Variants in KMO observed in about 807,000 individuals in gnomAD.
The protein encoded by KMO is kynurenine 3-monooxygenase, also known as kynurenine 3-hydroxylase.
Under a neutral mutation model 57.8 loss-of-function variants are expected in KMO, and 24 were observed. That is an observed-to-expected ratio of 0.42 (90% CI 0.30 to 0.58). KMO has a LOEUF of 0.58. KMO is among the 20% of genes least tolerant of loss of function. The probability of loss-of-function intolerance (pLI) is 0.22; values close to 1 mark genes in which losing one functional copy is unlikely to be tolerated. For missense variants in KMO, 483 were observed against 588.2 expected (o/e 0.82, Z 1.85); for synonymous variants, 210 against 193.6 (o/e 1.08, Z -0.70).
chr1:241,583,549 C>A (rs534828313), intron 10 of KMO, among the ~76,000 whole-genome samples: 2 of 152,024 alleles, frequency 1.3e-5, no homozygotes, highest in East Asian at 3.9e-4. Flanking sequence ...TCTCCTTTCC[C>A]CAAGTGAAGG....
chr1:241,533,087 C>T (rs569627462), intron 1 of KMO, among the ~76,000 whole-genome samples: 2 of 152,334 alleles, frequency 1.3e-5, no homozygotes, highest in African/African-American at 2.4e-5. Context: ...GAGCACGTGA[C>T]GTAAAGGTGC....
rs186335153 is a variant in KMO at position 241,594,670 on chromosome 1, G to C, written c.*2517G>C. On this transcript the variant is annotated 3_prime_UTR_variant, in exon 15 of 15. Transcript: ENST00000366559. ...CACCTCAGCAGTCGGAGGCACAGAA[G>C]CTGCAAAAGGGATCTTCGAAACTGG... 1.4e-5 allele frequency: 22 copies of C among 1,613,658 alleles called. No homozygotes were observed. Among genetic ancestry groups the C allele is most frequent in the Non-Finnish European group, 1.8e-5 (21 of 1,179,838 alleles).
chr1:241,591,530 A>C (rs1573944830), intron 14 of KMO, among the ~76,000 whole-genome samples: 1 of 152,128 alleles, frequency 6.6e-6, no homozygotes, highest in Non-Finnish European at 1.5e-5. Context: ...TTTAGTCTCC[A>C]CATAAGTCTT....
Position 241,535,150 on chromosome 1 carries a change from A to T in KMO, c.54+2652A>T, listed in dbSNP as rs1441165146. Among the ~76,000 whole-genome samples, 4 of 152,164 alleles carry T rather than the reference A, an allele frequency of 2.6e-5. No individual in the cohort carries two copies. In the East Asian group the frequency reaches 7.7e-4, roughly 29 times the overall value. ...AATAATAACAGATGCATGTTTGAATATTGAGAAAATTATTTTTAAAAGTAT... is the reference window on the plus strand; with the variant it reads ...AATAATAACAGATGCATGTTTGAATTTTGAGAAAATTATTTTTAAAAGTAT... On this transcript the variant is annotated intron_variant, in intron 1 of 14. Coordinates refer to ENST00000366559, the MANE Select transcript of KMO (RefSeq NM_003679.5).
chr1:241,572,075 C>A (rs1294123920), intron 10 of KMO, among the ~76,000 whole-genome samples: 1 of 151,910 alleles, frequency 6.6e-6, no homozygotes, highest in African/African-American at 2.4e-5. Context: ...CCATGTTGGC[C>A]AGGATGGTCT....
intron 10 of KMO, among the ~76,000 whole-genome samples, chr1:241,580,263 C>T (rs1011379411): frequency 6.6e-6 from 1 of 152,130 alleles, no homozygotes; most frequent in Non-Finnish European, 1.5e-5. Flanking sequence ...TCTACATAGT[C>T]TCTACATATA....
chr1:241,582,155 A>G (rs1376606160), intron 10 of KMO, among the ~76,000 whole-genome samples: 8 of 152,026 alleles, frequency 5.3e-5, no homozygotes. Context: ...AGCTCCTTTT[A>G]TGTTATTTGC....
intron 4 of KMO, among the ~76,000 whole-genome samples, chr1:241,553,603 C>T (rs1005112330): frequency 4.6e-5 from 7 of 152,108 alleles, no homozygotes; most frequent in South Asian, 2.1e-4. Flanking sequence ...GTGGGAAGAT[C>T]GCTTGAGCCC....
At position 241,568,602 on chromosome 1, in the gene KMO, T is replaced by G. The variant is rs1367055372; in HGVS notation, c.912T>G (p.Asp304Glu). The G allele has an allele frequency of 6.2e-7, 1 of 1,614,012 alleles. No homozygotes were observed. The highest frequency in any genetic ancestry group is 1.1e-5 in the South Asian group (1 of 91,080). Reference protein sequence around the residue: ...HFKSHCVLLGDAAHAIVPFFG... With the variant: ...HFKSHCVLLGEAAHAIVPFFG... ...AATCTCACTGTGTACTGCTGGGAGATGCAGCTCATGCTATAGTGCCGTTTT... is the reference window on the plus strand; with the variant it reads ...AATCTCACTGTGTACTGCTGGGAGAGGCAGCTCATGCTATAGTGCCGTTTT... Residue 304 changes from aspartate (D) to glutamate (E), a missense_variant, in exon 10 of 15, where the codon GAT becomes GAG. By Grantham distance (45) the Asp-to-Glu change is conservative. Around this residue, in one of 3 missense-constraint regions of KMO, gnomAD observed 410 missense variants for 492.3 expected, o/e 0.83. Coordinates refer to ENST00000366559, the MANE Select transcript of KMO (RefSeq NM_003679.5).
At chr1:241,573,606 G>T (rs1408471765) in intron 10 of KMO, among the ~76,000 whole-genome samples, 1 of 151,750 alleles carries the variant, frequency 6.6e-6, no homozygotes, top group Non-Finnish European at 1.5e-5. Flanking sequence ...TTTATTTCTG[G>T]GTTATCTATT....
At chr1:241,582,424 C>G (rs531158632) in intron 10 of KMO, among the ~76,000 whole-genome samples, 1 of 152,262 alleles carries the variant, frequency 6.6e-6, no homozygotes, top group Non-Finnish European at 1.5e-5. Flanking sequence ...CCTTGTCAGG[C>G]TATTTCCTGG....
chr1:241,539,649 C>T (rs915785486), intron 1 of KMO, among the ~76,000 whole-genome samples: 3 of 152,166 alleles, frequency 2.0e-5, no homozygotes, highest in Non-Finnish European at 2.9e-5. Flanking sequence ...ATTGAGCAGG[C>T]TCCTCTTACG....
chr1:241,538,057 A>T (rs1465159814), intron 1 of KMO, among the ~76,000 whole-genome samples: 2 of 152,186 alleles, frequency 1.3e-5, no homozygotes, highest in Non-Finnish European at 2.9e-5. Context: ...GTAAAGAAGC[A>T]GGGTGGTCTA....
intron 7 of KMO, among the ~76,000 whole-genome samples, chr1:241,563,503 CT>C (rs1365139087): frequency 1.3e-5 from 2 of 150,182 alleles, no homozygotes; most frequent in African/African-American, 4.9e-5. Context: ...CTGTTTCATC[CT>C]CATGGTCAAA....
intron 1 of KMO, among the ~76,000 whole-genome samples, chr1:241,542,054 A>G (rs892213538): frequency 1.3e-5 from 2 of 152,188 alleles, no homozygotes; most frequent in African/African-American, 2.4e-5. Flanking sequence ...AATTTTTATA[A>G]TCCTGTTTCC....
chr1:241,571,092 A>C (rs1224173903), intron 10 of KMO, among the ~76,000 whole-genome samples: 5 of 152,104 alleles, frequency 3.3e-5, no homozygotes, highest in Admixed American at 3.3e-4. Flanking sequence ...TACTCTTGGC[A>C]TATAGAATTG....
In KMO at chr1:241,549,281, G is replaced by A. The variant is rs190976303; in HGVS notation, c.124+383G>A. Among the ~76,000 whole-genome samples, 142 of 148,148 alleles carry A rather than the reference G, an allele frequency of 9.6e-4. 1 individual carries two copies. Among genetic ancestry groups the A allele is most frequent in the Middle Eastern group, 6.9e-3 (2 of 288 alleles). ...AGAAAGAAAGAAAGGAAGGAAGAAA[G>A]AAAGAAAGGAGAAAGAGCAAGAAAG... is the stretch of plus-strand genomic sequence containing the variant. On this transcript the variant is annotated intron_variant, in intron 2 of 14. Transcript: ENST00000366559.
chr1:241,543,390 AT>A (rs1661024585), intron 1 of KMO, among the ~76,000 whole-genome samples: 1 of 152,106 alleles, frequency 6.6e-6, no homozygotes, highest in African/African-American at 2.4e-5. Context: ...GATTGTTTTC[AT>A]TTTGTATCAT....
chr1:241,590,387 A>G (rs1238100295), intron 14 of KMO, 124 bp downstream of exon 14: 1 of 778,340 alleles, frequency 1.3e-6, no homozygotes, highest in East Asian at 2.6e-5. Flanking sequence ...TTGCCTTCCA[A>G]ACAGAAACTG....
Sources: gnomAD v4.1 joint callset for allele counts (sites outside exome capture counted in the v4.1 genomes callset) on GRCh38, gnomAD v4.1.1 for gene constraint, gnomAD v4.1.1 regional missense constraint, MANE v1.5 for transcripts, NCBI Gene and HGNC (gene_info 2026-07-23, HGNC 2026-07-21) for gene names.